Variants in TTC39C observed in about 807,000 individuals in gnomAD.
The protein encoded by TTC39C is tetratricopeptide repeat domain 39C.
TTC39C carries 33 observed loss-of-function variants against 76.3 expected under a neutral mutation model. The ratio of observed to expected loss-of-function variants is 0.43; its 90% CI spans 0.33 to 0.58. The LOEUF (loss-of-function observed/expected upper bound fraction) is 0.58. Among genes scored for constraint, TTC39C ranks in the 20% least tolerant of loss-of-function variants. The pLI, the probability that TTC39C is intolerant of heterozygous loss-of-function variation, is 0.04. For missense variants in TTC39C, 595 were observed against 701.4 expected, an observed-to-expected ratio of 0.85 and a Z score of 1.71; for synonymous variants, 254 against 260.6, an observed-to-expected ratio of 0.97 and a Z score of 0.24.
At chr18:23,994,731 T>A (rs532382899) in intron 1 of TTC39C, among the ~76,000 whole-genome samples, 62 of 152,268 alleles carry the variant, frequency 4.1e-4, no homozygotes, top group African/African-American at 1.4e-3. Flanking sequence ...TCTCAGCAGA[T>A]GAAATGCTAG....
intron 6 of TTC39C, among the ~76,000 whole-genome samples, chr18:24,086,580 C>T (rs1267144371): frequency 1.3e-5 from 2 of 152,154 alleles, no homozygotes; most frequent in Non-Finnish European, 2.9e-5. Context: ...GAGTGCTACA[C>T]CATGATGGTG....
chr18:24,016,780 A>G (rs1323998404), intron 1 of TTC39C: 2 of 398,468 alleles, frequency 5.0e-6, no homozygotes, highest in Non-Finnish European at 8.8e-6. Context: ...TTTACCTTGT[A>G]TAGCTAGGTG....
At chr18:24,102,017 T>G (rs1019545020) in intron 6 of TTC39C, among the ~76,000 whole-genome samples, 4 of 152,348 alleles carry the variant, frequency 2.6e-5, no homozygotes, top group African/African-American at 9.6e-5. Flanking sequence ...CCCAGCTTTC[T>G]GAGCCTGTAC....
chr18:24,040,635 GA>G (rs1435528292), intron 1 of TTC39C, among the ~76,000 whole-genome samples: 2 of 151,976 alleles, frequency 1.3e-5, no homozygotes, highest in Non-Finnish European at 2.9e-5. Context: ...ATCACATTTG[GA>G]AATAATCACT....
intron 1 of TTC39C, among the ~76,000 whole-genome samples, chr18:24,060,726 C>T (rs943308753): frequency 6.6e-6 from 1 of 152,156 alleles, no homozygotes; most frequent in African/African-American, 2.4e-5. Context: ...GTCCTGGGTC[C>T]CAACAAACAC....
intron 1 of TTC39C, chr18:24,020,414 G>A: frequency 1.7e-6 from 1 of 592,782 alleles, no homozygotes; most frequent in Non-Finnish European, 2.1e-6. Flanking sequence ...AAGTGTACAA[G>A]AAACACTTGT....
Position 24,131,938 on chromosome 18 carries a change from A to G in TTC39C, c.1662+18A>G, listed in dbSNP as rs756233645. 4 of 1,612,076 alleles carry G rather than the reference A, an allele frequency of 2.5e-6. No individual in the cohort carries two copies. Among genetic ancestry groups the G allele is most frequent in the East Asian group, 4.5e-5 (2 of 44,766 alleles). On this transcript the variant is annotated intron_variant, in intron 13 of 13. Coordinates refer to ENST00000317571, the MANE Select transcript of TTC39C (RefSeq NM_001135993.2). The stretch of plus-strand genomic sequence containing the variant: ...AAGCAAAGGTAAATATCCTGAATCT[A>G]CCTTTCTCCAGTGGCCCTTCTTATC...
At chr18:24,119,442 C>G (rs1283945972) in intron 8 of TTC39C, among the ~76,000 whole-genome samples, 1 of 152,228 alleles carries the variant, frequency 6.6e-6, no homozygotes, top group East Asian at 1.9e-4. Context: ...TCTTCCACTT[C>G]CATTCTGCCC....
At chr18:24,087,602 TGAGACAGAGTC>T (rs1568432752) in intron 6 of TTC39C, among the ~76,000 whole-genome samples, 2 of 151,582 alleles carry the variant, frequency 1.3e-5, no homozygotes, top group African/African-American at 4.8e-5. Context: ...TGTTTTTTTT[TGAGACAGAGTC>T]TTGCTCTGTC....
intron 6 of TTC39C, among the ~76,000 whole-genome samples, chr18:24,107,639 C>T (rs569588216): frequency 3.9e-5 from 6 of 152,354 alleles, no homozygotes; most frequent in Admixed American, 3.3e-4. Context: ...CGCCTTCTGC[C>T]ATGATTGCAA....
intron 6 of TTC39C, among the ~76,000 whole-genome samples, chr18:24,098,579 T>G (rs1474035799): frequency 8.1e-6 from 1 of 123,426 alleles, no homozygotes; most frequent in Non-Finnish European, 1.7e-5. Flanking sequence ...CTTTCTTGCT[T>G]TCTTTTCCTC....
At chr18:24,096,691 T>C (rs533730077) in intron 6 of TTC39C, among the ~76,000 whole-genome samples, 133 of 152,306 alleles carry the variant, frequency 8.7e-4, no homozygotes, top group African/African-American at 3.2e-3. Context: ...ATAGATAAAA[T>C]CTTTCTTTTT....
chr18:24,087,417 A>G (rs1320474161), intron 6 of TTC39C, among the ~76,000 whole-genome samples: 1 of 152,202 alleles, frequency 6.6e-6, no homozygotes, highest in Non-Finnish European at 1.5e-5. Context: ...CTGTAAATAC[A>G]TACTTTCACA....
chr18:24,029,107 TG>T (rs2083635863), intron 1 of TTC39C, among the ~76,000 whole-genome samples: 3 of 16,546 alleles, frequency 1.8e-4, no homozygotes, highest in East Asian at 4.5e-3. Flanking sequence ...TTGTTGTTGT[TG>T]TTGTTTTTGT....
upstream of TTC39C, chr18:24,014,697 C>A (rs2083426481): frequency 9.8e-7 from 1 of 1,019,200 alleles, no homozygotes; most frequent in South Asian, 4.9e-5. Context: ...AGCCGGGCCG[C>A]GGCTCCTCCC....
intron 6 of TTC39C, 38 bp from the exon 7 acceptor site, chr18:24,114,516 G>T (rs1380127811): frequency 3.5e-6 from 5 of 1,445,104 alleles, no homozygotes; most frequent in African/African-American, 1.4e-5. Flanking sequence ...GTTATCGACA[G>T]ATCTTAGCTG....
intron 6 of TTC39C, among the ~76,000 whole-genome samples, chr18:24,086,251 T>C (rs1206455287): frequency 6.6e-6 from 1 of 152,228 alleles, no homozygotes; most frequent in African/African-American, 2.4e-5. Context: ...ACCATCTTTG[T>C]TTCTTCAGTG....
In TTC39C at chr18:24,081,523, TG is replaced by T. The variant is rs1308267298; in HGVS notation, c.815+585del. Among the ~76,000 whole-genome samples the T allele has an allele frequency of 1.2e-4, 18 of 152,340 alleles. 1 individual carries two copies. The South Asian group carries it at 3.7e-3, about 32-fold the overall frequency. On this transcript the variant is annotated intron_variant, in intron 5 of 13. Coordinates refer to ENST00000317571, the MANE Select transcript of TTC39C (RefSeq NM_001135993.2). ...ATTTCTACATCAGTTAAAAGTGATG[TG>T]TTTTTTGTTTGTTTGTTTTAGTCTG...
At chr18:24,053,368 A>G (rs1436883991) in intron 1 of TTC39C, among the ~76,000 whole-genome samples, 2 of 152,234 alleles carry the variant, frequency 1.3e-5, no homozygotes, top group African/African-American at 4.8e-5. Flanking sequence ...AAGGTGCTGA[A>G]GACATCACTG....
Sources: gnomAD v4.1 joint callset for allele counts (sites outside exome capture counted in the v4.1 genomes callset) on GRCh38, gnomAD v4.1.1 for gene constraint, MANE v1.5 for transcripts, NCBI Gene and HGNC (gene_info 2026-07-23, HGNC 2026-07-21) for gene names.